Variants in PHACTR1 observed in about 807,000 individuals in gnomAD.
The protein encoded by PHACTR1 is RPEL repeat containing 1.
PHACTR1 carries 16 observed loss-of-function variants against 69.2 expected under a neutral mutation model. The ratio of observed to expected loss-of-function variants is 0.23; its 90% CI spans 0.16 to 0.35. The LOEUF (loss-of-function observed/expected upper bound fraction) is 0.35. PHACTR1 is among the 10% of genes least tolerant of loss of function. The pLI is 1.00. For missense variants in PHACTR1, 510 were observed against 734.7 expected, an observed-to-expected ratio of 0.69 and a Z score of 3.54; for synonymous variants, 312 against 284.5, an observed-to-expected ratio of 1.10 and a Z score of -0.97.
chr6:12,867,313 T>G (rs911051014), intron 4 of PHACTR1, among the ~76,000 whole-genome samples: 1 of 152,224 alleles, frequency 6.6e-6, no homozygotes, highest in African/African-American at 2.4e-5. Flanking sequence ...AAGGGAGAGT[T>G]GAACCTCACT....
intron 4 of PHACTR1, among the ~76,000 whole-genome samples, chr6:12,913,153 A>G (rs1582447741): frequency 6.6e-6 from 1 of 152,212 alleles, no homozygotes. Flanking sequence ...AATTGTTCCC[A>G]TCTGATAAAA....
chr6:12,904,935 T>A (rs907134487), intron 4 of PHACTR1, among the ~76,000 whole-genome samples: 7 of 152,188 alleles, frequency 4.6e-5, no homozygotes, highest in Non-Finnish European at 1.0e-4. Context: ...CACTCAGCAA[T>A]AAGTGCTATT....
At chr6:13,129,322 C>T (rs1041892928) in intron 5 of PHACTR1, among the ~76,000 whole-genome samples, 12 of 151,950 alleles carry the variant, frequency 7.9e-5, no homozygotes, top group Admixed American at 1.3e-4. Flanking sequence ...ATACTAACAT[C>T]GAATGTAAAT....
At chr6:13,005,772 A>G (rs1467680126) in intron 4 of PHACTR1, among the ~76,000 whole-genome samples, 9 of 152,146 alleles carry the variant, frequency 5.9e-5, no homozygotes, top group Non-Finnish European at 2.9e-5. Flanking sequence ...CATGGAAGAA[A>G]TCAATTGTAT....
intron 9 of PHACTR1, 94 bp from the exon 10 acceptor site, chr6:13,229,943 T>C (rs1230653962): frequency 1.4e-6 from 2 of 1,396,128 alleles, no homozygotes; most frequent in Non-Finnish European, 1.9e-6. Context: ...CTTGATGACT[T>C]CCTTCCTGCC....
chr6:12,972,288 C>A (rs1307692623), intron 4 of PHACTR1, among the ~76,000 whole-genome samples: 2 of 152,210 alleles, frequency 1.3e-5, no homozygotes, highest in African/African-American at 2.4e-5. Context: ...CTCCACTCTG[C>A]CGCCTTGAAA....
At chr6:12,777,625 C>CT (rs869096915) in intron 4 of PHACTR1, among the ~76,000 whole-genome samples, 35,244 of 96,196 alleles carry the variant, frequency 0.37, 7,438 homozygotes, top group East Asian at 0.8. Context: ...CTTTCTTCTT[C>CT]TTTTTTTTTT....
chr6:12,836,139 A>G (rs1305381038), intron 4 of PHACTR1, among the ~76,000 whole-genome samples: 1 of 152,106 alleles, frequency 6.6e-6, no homozygotes, highest in Non-Finnish European at 1.5e-5. Context: ...TGTAACCTGT[A>G]AGGAAGCCAT....
In PHACTR1 at chr6:13,200,740, C is replaced by T. The variant is rs541174958; in HGVS notation, c.665-5075C>T. On this transcript the variant is annotated intron_variant, in intron 7 of 14. Coordinates refer to ENST00000332995, the MANE Select transcript of PHACTR1 (RefSeq NM_030948.6). ...CCTGAGGTCAGGAGTTTGAGACCAG[C>T]CTGGCCAACATGGTGAAACCCCATC... 4.6e-5 allele frequency among the ~76,000 whole-genome samples: 7 copies of T among 151,628 alleles called. No homozygotes were observed. In the South Asian group the frequency reaches 1.5e-3, roughly 32 times the overall value.
At chr6:13,095,784 A>G (rs1162194409) in intron 5 of PHACTR1, among the ~76,000 whole-genome samples, 1 of 62,900 alleles carries the variant, frequency 1.6e-5, no homozygotes. Context: ...TTTTTTTGTT[A>G]GACCAGGCTT....
At chr6:12,718,080 G>A (rs1268620325) in intron 2 of PHACTR1, among the ~76,000 whole-genome samples, 1 of 152,176 alleles carries the variant, frequency 6.6e-6, no homozygotes, top group Non-Finnish European at 1.5e-5. Context: ...CATTCTTGCT[G>A]CTCTACAAAC....
intron 5 of PHACTR1, among the ~76,000 whole-genome samples, chr6:13,140,316 G>T (rs999866263): frequency 6.6e-6 from 1 of 152,082 alleles, no homozygotes; most frequent in Non-Finnish European, 1.5e-5. Context: ...ACAGTATCTC[G>T]GAGAGAGAGA....
chr6:13,077,023 A>G (rs1810594360), intron 5 of PHACTR1, among the ~76,000 whole-genome samples: 3 of 151,082 alleles, frequency 2.0e-5, no homozygotes, highest in Non-Finnish European at 3.0e-5. Context: ...GCGCACCAGC[A>G]TGGCACATGT....
intron 4 of PHACTR1, among the ~76,000 whole-genome samples, chr6:12,898,269 C>A (rs767751671): frequency 6.6e-6 from 1 of 152,158 alleles, no homozygotes; most frequent in Non-Finnish European, 1.5e-5. Context: ...TGGAAAGCTT[C>A]CCTGCCCAAG....
At chr6:12,858,918 G>A (rs1396560358) in intron 4 of PHACTR1, among the ~76,000 whole-genome samples, 1 of 152,034 alleles carries the variant, frequency 6.6e-6, no homozygotes, top group South Asian at 2.1e-4. Context: ...AAGATGTTCA[G>A]TGTTCTTCTT....
chr6:12,825,731 T>C (rs541223003), intron 4 of PHACTR1, among the ~76,000 whole-genome samples: 7 of 152,142 alleles, frequency 4.6e-5, no homozygotes, highest in Non-Finnish European at 1.0e-4. Flanking sequence ...CTGTCTCCAT[T>C]TTTGCTTTTT....
At chr6:12,730,249 A>T (rs1763321057) in intron 3 of PHACTR1, among the ~76,000 whole-genome samples, 1 of 152,134 alleles carries the variant, frequency 6.6e-6, no homozygotes, top group Non-Finnish European at 1.5e-5. Context: ...TATTTAGAAG[A>T]TTGGGAGATT....
intron 4 of PHACTR1, among the ~76,000 whole-genome samples, chr6:12,968,933 A>C (rs1793828478): frequency 6.6e-6 from 1 of 152,122 alleles, no homozygotes; most frequent in Non-Finnish European, 1.5e-5. Context: ...ATGCATTAGA[A>C]TCTCCCGGGG....
Position 13,245,814 on chromosome 6 carries a change from T to C in PHACTR1, c.1391+15621T>C, listed in dbSNP as rs566109310. Reference sequence around the variant, plus strand: ...TTTAAGTCTTTTAATCTATCTCGAGTTGATTTTTGTATATGGTGTAAGGAG... The same window carrying C: ...TTTAAGTCTTTTAATCTATCTCGAGCTGATTTTTGTATATGGTGTAAGGAG... On this transcript the variant is annotated intron_variant, in intron 10 of 14. Coordinates refer to ENST00000332995, the MANE Select transcript of PHACTR1 (RefSeq NM_030948.6). The surrounding 1 kb of genome is among the most constrained non-coding windows in gnomAD (Gnocchi z 4.1). Among the ~76,000 whole-genome samples the C allele has an allele frequency of 6.6e-6, 1 of 152,302 alleles. No individual in the cohort carries two copies. Among genetic ancestry groups the C allele is most frequent in the African/African-American group, 2.4e-5 (1 of 41,562 alleles).
Sources: gnomAD v4.1 joint callset for allele counts (sites outside exome capture counted in the v4.1 genomes callset) on GRCh38, gnomAD v4.1.1 for gene constraint, Gnocchi (gnomAD v3.1) non-coding constraint, MANE v1.5 for transcripts, NCBI Gene and HGNC (gene_info 2026-07-23, HGNC 2026-07-21) for gene names.